The following PRMT2 variants were observed in gnomAD, a reference collection of about 807,000 sequenced individuals.
PRMT2 encodes the protein protein arginine methyltransferase 2.
PRMT2 carries 26 observed loss-of-function variants against 57.6 expected under a neutral mutation model. The ratio of observed to expected loss-of-function variants is 0.45; its 90% CI spans 0.33 to 0.63. The LOEUF (loss-of-function observed/expected upper bound fraction) is 0.63. Ranked by LOEUF, PRMT2 falls within the 20% of genes least tolerant of loss-of-function variation. The pLI, the probability that PRMT2 is intolerant of heterozygous loss-of-function variation, is 0.02. For synonymous variants in PRMT2, 219 were observed against 220.0 expected, an observed-to-expected ratio of 1.00 and a Z score of 0.04; for missense variants, 472 against 564.4, an observed-to-expected ratio of 0.84 and a Z score of 1.66.
At chr21:46,652,886 A>G in intron 7 of PRMT2, 1 of 1,302,844 alleles carries the variant, frequency 7.7e-7, no homozygotes. Flanking sequence ...CCACGCCACG[A>G]TTTCCGAGAA....
At chr21:46,656,983 T>A (rs1257511365) in intron 7 of PRMT2, 1 of 152,062 alleles carries the variant, frequency 6.6e-6, no homozygotes, top group African/African-American at 2.4e-5. Context: ...ACAAGCCAAT[T>A]GAAAATGGGC....
chr21:46,653,347 C>T (rs1380543411), intron 7 of PRMT2: 33 of 985,276 alleles, frequency 3.3e-5, no homozygotes, highest in Admixed American at 6.1e-5. Flanking sequence ...ATACCAATAA[C>T]ACTTCAGACT....
In PRMT2 at chr21:46,636,543, C is replaced by A. The variant is rs1435534328; in HGVS notation, c.-61C>A. On this transcript the variant is annotated 5_prime_UTR_variant, in exon 2 of 12. Transcript: ENST00000355680. ...CCTGTTAGTGGAAACACTGTAAGGT[C>A]CCAGGTAGGGACTTTTAATTGGAAT... is the stretch of plus-strand genomic sequence containing the variant. 2 of 171,700 alleles carry A rather than the reference C, an allele frequency of 1.2e-5. No homozygotes were observed. Among genetic ancestry groups the A allele is most frequent in the African/African-American group, 4.8e-5 (2 of 41,946 alleles). The allele number at this position is 171,700 out of a possible 1,614,324, so 10.6% of individuals were successfully genotyped here.
Position 46,649,419 on chromosome 21 carries a change from G to T in PRMT2, c.490-156G>T. On this transcript the variant is annotated intron_variant, in intron 6 of 11. Coordinates refer to ENST00000355680, the MANE Select transcript of PRMT2 (RefSeq NM_206962.4). The surrounding 1 kb of genome is among the most constrained non-coding windows in gnomAD (Gnocchi z 4.8). ...CTCCTTTCTGGGTGCCCCTGGAGGG[G>T]CAGGTGTGGCCAGTCCTCGCTGCCT... 1 of 1,178,658 alleles carries T rather than the reference G, an allele frequency of 8.5e-7. No individual in the cohort carries two copies. The highest frequency in any genetic ancestry group is 1.2e-6 in the Non-Finnish European group (1 of 809,582). 73.0% of individuals were successfully genotyped at this position (1,178,658 alleles called of 1,614,324 possible).
intron 8 of PRMT2, chr21:46,660,099 G>A: frequency 1.0e-6 from 1 of 970,536 alleles, no homozygotes. Context: ...AAATAAATGT[G>A]TAAATATAGT....
chr21:46,660,208 C>T (rs1243258256), intron 8 of PRMT2: 1 of 968,800 alleles, frequency 1.0e-6, no homozygotes, highest in African/African-American at 1.8e-5. Flanking sequence ...CGGTGACTTA[C>T]AAGCCTAGTG....
intron 7 of PRMT2, chr21:46,653,210 G>A: frequency 1.5e-5 from 15 of 985,412 alleles, no homozygotes; most frequent in Non-Finnish European, 1.8e-5. Flanking sequence ...TAACAAAGAT[G>A]TAATAATTCT....
At position 46,647,525 on chromosome 21, in the gene PRMT2, G is replaced by T. The variant is rs140318207; in HGVS notation, c.328-933G>T. On this transcript the variant is annotated intron_variant, in intron 5 of 11. Coordinates refer to ENST00000355680, the MANE Select transcript of PRMT2 (RefSeq NM_206962.4). ...GTTTTTTATGTTTTTTAGAGATGGT[G>T]TCACACTCTGTCGTATGAGTGGCTG... is the stretch of plus-strand genomic sequence containing the variant. Among the ~76,000 whole-genome samples the T allele has an allele frequency of 7.1e-4, 108 of 152,188 alleles. 1 individual carries two copies. The highest frequency in any genetic ancestry group is 1.3e-3 in the Non-Finnish European group (89 of 68,000).
intron 7 of PRMT2, chr21:46,653,425 C>CGTATT: frequency 1.0e-6 from 1 of 991,760 alleles, no homozygotes; most frequent in Non-Finnish European, 1.2e-6. Context: ...GACAGCTCCC[C>CGTATT]CTCAGCAAGA....
In PRMT2 at chr21:46,658,688, C is replaced by T. The variant is rs2148998366; in HGVS notation, c.655-57C>T. On this transcript the variant is annotated intron_variant, in intron 7 of 11. Coordinates refer to ENST00000355680, the MANE Select transcript of PRMT2 (RefSeq NM_206962.4). ...GTGTTACGAATGTGGTGGTGAGAGG[C>T]CTGTGCAGCCGCGGGGCCTGTGATG... The T allele has an allele frequency of 2.5e-6, 4 of 1,587,766 alleles. No homozygotes were observed. The East Asian group carries it at 6.7e-5, about 27-fold the overall frequency.
At chr21:46,663,614 T>C (rs77930122) in intron 11 of PRMT2, 60 bp downstream of exon 11, 134,212 of 1,553,332 alleles carry the variant, frequency 0.086, 6,776 homozygotes, top group Non-Finnish European at 0.099. Flanking sequence ...GAGACAGGCC[T>C]GGGTGGTGGT....
intron 7 of PRMT2, chr21:46,651,938 T>C: frequency 6.2e-7 from 1 of 1,613,318 alleles, no homozygotes; most frequent in East Asian, 2.2e-5. Context: ...CCTTGCCTGC[T>C]GTCTGCCTGT....
rs566109960 is a variant in PRMT2 at position 46,648,727 on chromosome 21, G to A, written c.489+108G>A. On this transcript the variant is annotated intron_variant, in intron 6 of 11. Coordinates refer to ENST00000355680, the MANE Select transcript of PRMT2 (RefSeq NM_206962.4). The surrounding 1 kb of genome is among the most constrained non-coding windows in gnomAD (Gnocchi z 4.8). Reference sequence around the variant, plus strand: ...GACCCTGAGCTGTTGGGGGCTCACCGGTGACTCCATGGTCTTGTTGAGCAC... The same window carrying A: ...GACCCTGAGCTGTTGGGGGCTCACCAGTGACTCCATGGTCTTGTTGAGCAC... 4,354 of 1,398,384 alleles carry A rather than the reference G, an allele frequency of 3.1e-3. 10 individuals carry two copies. Among genetic ancestry groups the A allele is most frequent in the South Asian group, 5.6e-3 (438 of 77,862 alleles). 86.6% of individuals were successfully genotyped at this position (1,398,384 alleles called of 1,614,324 possible). A position where few individuals can be genotyped will look rare whatever the true frequency, so the allele number is the denominator to read the frequency against.
chr21:46,652,778 C>A (rs879226713), intron 7 of PRMT2: 3 of 1,207,634 alleles, frequency 2.5e-6, no homozygotes, highest in Non-Finnish European at 2.1e-6. Context: ...AGATTGTCAA[C>A]AGACCATTTA....
chr21:46,662,985 C>T (rs1385311066), intron 10 of PRMT2, among the ~76,000 whole-genome samples: 4 of 152,050 alleles, frequency 2.6e-5, no homozygotes, highest in South Asian at 4.1e-4. Context: ...CCTGGCGGGC[C>T]GGGGAGTCGA....
intron 10 of PRMT2, 45 bp downstream of exon 10, chr21:46,661,981 G>A (rs768672020): frequency 1.0e-6 from 1 of 994,028 alleles, no homozygotes; most frequent in Non-Finnish European, 1.3e-6. Context: ...TGGGGGGCAG[G>A]GGAGTAGGCG....
intron 3 of PRMT2, among the ~76,000 whole-genome samples, chr21:46,641,174 G>C (rs1395233874): frequency 1.3e-5 from 2 of 149,612 alleles, no homozygotes; most frequent in African/African-American, 2.5e-5. Flanking sequence ...CTATCCTGCA[G>C]AAATAAAATG....
intron 10 of PRMT2, among the ~76,000 whole-genome samples, chr21:46,662,221 C>G (rs140591621): frequency 6.6e-6 from 1 of 152,326 alleles, no homozygotes; most frequent in Non-Finnish European, 1.5e-5. Flanking sequence ...GTCTTCCACC[C>G]CGCGAGGAGC....
Position 46,661,828 on chromosome 21 carries a change from T to G in PRMT2, c.989T>G (p.Ile330Ser), listed in dbSNP as rs2061628627. Residue 330 changes from isoleucine to serine, a missense_variant, in exon 10 of 12, where the codon ATC (isoleucine) becomes AGC (serine). Coordinates refer to ENST00000355680, the MANE Select transcript of PRMT2 (RefSeq NM_206962.4). ...ETLRGELRFD[I>S]RKAGTLHGFT... is the part of the protein sequence containing the mutation. ...CTGAGGGGCGAGCTGCGCTTCGACA[T>G]CAGGAAGGCGGGGACCCTGCACGGC... 1.3e-6 allele frequency: 2 copies of G among 1,492,140 alleles called. No individual in the cohort carries two copies. The highest frequency in any genetic ancestry group is 1.8e-6 in the Non-Finnish European group (2 of 1,114,332). 92.4% of individuals were successfully genotyped at this position (1,492,140 alleles called of 1,614,324 possible).
Sources: allele counts gnomAD v4.1 joint callset (sites outside exome capture counted in the v4.1 genomes callset), GRCh38; gene constraint gnomAD v4.1.1; non-coding constraint Gnocchi (gnomAD v3.1); transcripts MANE v1.5; gene names NCBI Gene and HGNC (gene_info 2026-07-23, HGNC 2026-07-21).